Variants in PCDHAC1 observed in about 807,000 individuals in gnomAD.
PCDHAC1 encodes protocadherin alpha-C1.
A neutral mutation model predicts 60.0 loss-of-function variants in PCDHAC1; 42 were observed. The observed-to-expected ratio is 0.70, with a 90% CI of 0.55 to 0.90. The LOEUF is 0.90. Among genes scored for constraint, PCDHAC1 ranks in the 40% least tolerant of loss-of-function variants. The probability of loss-of-function intolerance (pLI) is 0.00; values close to 1 mark genes in which losing one functional copy is unlikely to be tolerated. For missense variants in PCDHAC1, 1,160 were observed against 1,222.3 expected, an observed-to-expected ratio of 0.95 and a Z score of 0.76; for synonymous variants, 468 against 499.3, an observed-to-expected ratio of 0.94 and a Z score of 0.84.
At chr5:140,940,731 G>T (rs1195223562) in intron 1 of PCDHAC1, among the ~76,000 whole-genome samples, 2 of 152,162 alleles carry the variant, frequency 1.3e-5, no homozygotes, top group Admixed American at 1.3e-4. Flanking sequence ...CAGCTGGACA[G>T]CTCCATATTT....
Position 140,927,380 on chromosome 5 carries a change from T to A in PCDHAC1, c.488T>A (p.Leu163Gln), listed in dbSNP as rs1245076146. 1 of 1,614,198 alleles carries A rather than the reference T, an allele frequency of 6.2e-7. No individual in the cohort carries two copies. Among genetic ancestry groups the A allele is most frequent in the African/African-American group, 1.3e-5 (1 of 75,060 alleles). Residue 163 changes from leucine to glutamine, a missense_variant, in exon 1 of 4, where the codon CTA (leucine) becomes CAA (glutamine). Physicochemically the swap from Leu to Gln is moderately radical, Grantham distance 113. Transcript: ENST00000253807. ...AGCAATGGGATACTAAGCTACAGCCTAAGCCCCAGTCAGCACTTTCGCCTG... is the reference window on the plus strand; with the variant it reads ...AGCAATGGGATACTAAGCTACAGCCAAAGCCCCAGTCAGCACTTTCGCCTG... Reference protein sequence around the residue: ...EGSNGILSYSLSPSQHFRLDM... With the variant: ...EGSNGILSYSQSPSQHFRLDM...
intron 1 of PCDHAC1, among the ~76,000 whole-genome samples, chr5:140,949,857 G>A (rs1554219193): frequency 6.6e-6 from 1 of 151,520 alleles, no homozygotes; most frequent in East Asian, 1.9e-4. Context: ...CCGCTTATCT[G>A]TTGTCTTTTG....
At chr5:141,005,960 TA>T (rs1322848010) in intron 3 of PCDHAC1, among the ~76,000 whole-genome samples, 2 of 151,500 alleles carry the variant, frequency 1.3e-5, no homozygotes, top group Non-Finnish European at 2.9e-5. Context: ...CAAACAACAA[TA>T]AAAAAACAAT....
chr5:140,945,000 G>A (rs980802301), intron 1 of PCDHAC1, among the ~76,000 whole-genome samples: 3 of 151,862 alleles, frequency 2.0e-5, no homozygotes, highest in African/African-American at 7.3e-5. Context: ...AACGGTTGTG[G>A]GTCATGAATT....
chr5:140,948,029 T>A (rs1372869400), intron 1 of PCDHAC1, among the ~76,000 whole-genome samples: 1 of 151,594 alleles, frequency 6.6e-6, no homozygotes, highest in African/African-American at 2.4e-5. Flanking sequence ...TCTGGTTTGC[T>A]CAGAGTTTTA....
intron 3 of PCDHAC1, among the ~76,000 whole-genome samples, chr5:141,005,934 G>A (rs556608068): frequency 3.4e-4 from 52 of 151,912 alleles, no homozygotes; most frequent in Non-Finnish European, 7.2e-4. Context: ...TTGACAGAGT[G>A]AGAACCTATC....
chr5:140,938,468 A>G (rs1427570517), intron 1 of PCDHAC1, among the ~76,000 whole-genome samples: 1 of 152,096 alleles, frequency 6.6e-6, no homozygotes, highest in African/African-American at 2.4e-5. Context: ...TTAATTTATT[A>G]TGTTTTTTAA....
Position 141,004,229 on chromosome 5 carries a change from T to G in PCDHAC1, c.2582-5398T>G, listed in dbSNP as rs368330742. On this transcript the variant is annotated intron_variant, in intron 3 of 3. Transcript: ENST00000253807. ...AGATTAGGAGGTCAGTCAGTGTTTG[T>G]CAGATCCTTAAGCTTTTGTTTTACT... Among the ~76,000 whole-genome samples, 5 of 152,250 alleles carry G rather than the reference T, an allele frequency of 3.3e-5. No individual in the cohort carries two copies. The East Asian group carries it at 7.7e-4, about 23-fold the overall frequency.
intron 3 of PCDHAC1, among the ~76,000 whole-genome samples, chr5:141,007,395 C>CAAAAAAAAAAAAAAA (rs35800918): frequency 2.1e-5 from 2 of 94,866 alleles, no homozygotes; most frequent in Non-Finnish European, 2.1e-5. Context: ...TACTAAAATA[C>CAAAAAAAAAAAAAAA]AAAAAAAAAA....
chr5:141,006,379 G>GT (rs2098271047), intron 3 of PCDHAC1, among the ~76,000 whole-genome samples: 1 of 151,748 alleles, frequency 6.6e-6, no homozygotes, highest in South Asian at 2.1e-4. Flanking sequence ...GCCCGGCTAA[G>GT]TTTTTTCTAT....
intron 3 of PCDHAC1, among the ~76,000 whole-genome samples, chr5:141,001,534 G>A (rs2098024616): frequency 6.6e-6 from 1 of 152,180 alleles, no homozygotes; most frequent in African/African-American, 2.4e-5. Flanking sequence ...CTCTGATCCT[G>A]GACAGGATTT....
At chr5:140,947,780 A>G (rs2094176112) in intron 1 of PCDHAC1, among the ~76,000 whole-genome samples, 1 of 151,588 alleles carries the variant, frequency 6.6e-6, no homozygotes, top group Non-Finnish European at 1.5e-5. Flanking sequence ...TTGTAAATGG[A>G]TTTTAAACAG....
At chr5:141,004,168 C>T (rs2098156227) in intron 3 of PCDHAC1, among the ~76,000 whole-genome samples, 1 of 152,226 alleles carries the variant, frequency 6.6e-6, no homozygotes, top group Admixed American at 6.5e-5. Context: ...GCAAAGCCAG[C>T]CAAGTGTCTT....
At chr5:140,990,893 T>C (rs1554251806) in intron 3 of PCDHAC1, among the ~76,000 whole-genome samples, 1 of 152,178 alleles carries the variant, frequency 6.6e-6, no homozygotes, top group East Asian at 1.9e-4. Context: ...GAGTGGGTCG[T>C]TGCTGGGTCA....
intron 1 of PCDHAC1, among the ~76,000 whole-genome samples, chr5:140,941,249 TTCTTTC>T (rs1367740560): frequency 3.0e-4 from 42 of 138,342 alleles, no homozygotes; most frequent in South Asian, 7.1e-4. Context: ...CTTTCTTTCT[TTCTTTC>T]TCTTTCTTTC....
chr5:140,963,307 C>G (rs2095756240), intron 1 of PCDHAC1, among the ~76,000 whole-genome samples: 1 of 152,062 alleles, frequency 6.6e-6, no homozygotes, highest in African/African-American at 2.4e-5. Context: ...AAATAAGAAG[C>G]TGTTTGTATT....
intron 1 of PCDHAC1, among the ~76,000 whole-genome samples, chr5:140,972,015 G>A (rs782728118): frequency 2.6e-5 from 4 of 152,004 alleles, no homozygotes; most frequent in Admixed American, 6.5e-5. Context: ...CCTTTTATAT[G>A]GGATATTCAG....
intron 3 of PCDHAC1, among the ~76,000 whole-genome samples, chr5:140,984,610 G>A (rs2097110934): frequency 6.6e-6 from 1 of 152,188 alleles, no homozygotes; most frequent in African/African-American, 2.4e-5. Flanking sequence ...CTCTGCATCA[G>A]TGGTGTAAAG....
intron 1 of PCDHAC1, among the ~76,000 whole-genome samples, chr5:140,950,918 G>C (rs1229704497): frequency 6.6e-6 from 1 of 151,584 alleles, no homozygotes; most frequent in African/African-American, 2.4e-5. Context: ...TTTTATTTCA[G>C]TTCTTTTTCT....
Sources: gnomAD v4.1 joint callset for allele counts (sites outside exome capture counted in the v4.1 genomes callset) on GRCh38, gnomAD v4.1.1 for gene constraint, MANE v1.5 for transcripts, NCBI Gene and HGNC (gene_info 2026-07-23, HGNC 2026-07-21) for gene names.